Variants in KIAA1671 observed in about 807,000 individuals in gnomAD.
KIAA1671 encodes the protein KIAA1671.
In KIAA1671, 52 loss-of-function variants were observed where a neutral mutation model predicts 131.2. The observed-to-expected ratio is 0.40, with a 90% CI of 0.32 to 0.50. The LOEUF (loss-of-function observed/expected upper bound fraction) is 0.50, where lower values mean the gene tolerates loss of function less well. KIAA1671 is among the 20% of genes least tolerant of loss of function. KIAA1671 has a pLI of 0.73. For synonymous variants in KIAA1671, 1,003 were observed against 961.6 expected, an observed-to-expected ratio of 1.04 and a Z score of -0.80; for missense variants, 2,360 against 2,364.2, an observed-to-expected ratio of 1.00 and a Z score of 0.04.
In KIAA1671 at chr22:25,040,337, C is replaced by T. The variant is rs1445481015; in HGVS notation, c.3207C>T (p.Ser1069=). 1.3e-6 allele frequency: 2 copies of T among 1,551,732 alleles called. No homozygotes were observed. The highest frequency in any genetic ancestry group is 1.7e-4 in the Middle Eastern group (1 of 5,992). The change falls in exon 5 of 13, where the codon TCC becomes TCT. Residue 1069 remains serine, a synonymous_variant. Transcript: ENST00000358431. The part of the protein sequence containing the change: ...TPPSSPHSLT[S]TLVSLGHEEA... ...CCTCGTCTCCTCATTCTTTAACATC[C>T]ACTTTGGTTTCTCTTGGTCATGAAG...
chr22:25,075,996 G>T (rs1929089062), intron 6 of KIAA1671, among the ~76,000 whole-genome samples: 1 of 151,242 alleles, frequency 6.6e-6, no homozygotes, highest in Non-Finnish European at 1.5e-5. Flanking sequence ...GGCTCGTCTC[G>T]AACTCCTGAC....
intron 1 of KIAA1671, among the ~76,000 whole-genome samples, chr22:24,963,152 T>C (rs2123800747): frequency 6.6e-6 from 1 of 151,794 alleles, no homozygotes; most frequent in African/African-American, 2.4e-5. Flanking sequence ...TCACCTGAGG[T>C]CAGGAGTTCG....
intron 6 of KIAA1671, chr22:25,112,118 G>T (rs1601325526): frequency 7.5e-6 from 3 of 398,246 alleles, no homozygotes; most frequent in African/African-American, 4.1e-5. Flanking sequence ...GAGGACACTG[G>T]CGTTTTAATT....
chr22:24,953,359 G>C (rs1195114456), intron 1 of KIAA1671, among the ~76,000 whole-genome samples: 1 of 152,118 alleles, frequency 6.6e-6, no homozygotes, highest in Non-Finnish European at 1.5e-5. Context: ...GGAAGCAAGG[G>C]CGGCGAGCGA....
chr22:24,982,740 G>A (rs777614241), intron 1 of KIAA1671, among the ~76,000 whole-genome samples: 4 of 152,204 alleles, frequency 2.6e-5, no homozygotes, highest in Non-Finnish European at 4.4e-5. Flanking sequence ...TGCCAAGGTC[G>A]TGGTGTTGGC....
At position 25,039,548 on chromosome 22, in the gene KIAA1671, T is replaced by C. The variant is rs1926800146; in HGVS notation, c.2418T>C (p.Pro806=). 1.3e-6 allele frequency: 2 copies of C among 1,551,798 alleles called. No homozygotes were observed. The highest frequency in any genetic ancestry group is 1.7e-6 in the Non-Finnish European group (2 of 1,147,010). The change falls in exon 5 of 13, where the codon CCT becomes CCC. Residue 806 remains proline (P), a synonymous_variant. Coordinates refer to ENST00000358431, the MANE Select transcript of KIAA1671 (RefSeq NM_001145206.2). ...TGATTTGGGAAGCTCGAGGCATGCC[T>C]GAGGCTAGTGGACCGAAGTTTGGGG... ...ASLIWEARGM[P]EASGPKFGGN... is the part of the protein sequence containing the mutation.
intron 6 of KIAA1671, among the ~76,000 whole-genome samples, chr22:25,162,104 T>C (rs896008399): frequency 6.6e-6 from 1 of 152,194 alleles, no homozygotes; most frequent in African/African-American, 2.4e-5. Flanking sequence ...GTGAAATGGG[T>C]TCCTCATGGT....
Position 25,093,754 on chromosome 22 carries a change from CTCTCTCTCTCTCTG to C in KIAA1671, c.4530+44404_4530+44417del, listed in dbSNP as rs1568951074. On this transcript the variant is annotated intron_variant, in intron 6 of 12. Coordinates refer to ENST00000358431, the MANE Select transcript of KIAA1671 (RefSeq NM_001145206.2). ...ACACACACACTCTCTCTCTCTCTCT[CTCTCTCTCTCTCTG>C]TCTCTCTCTCTCTCTCTCTCTCTCT... Among the ~76,000 whole-genome samples, 40 of 100,668 alleles carry C rather than the reference CTCTCTCTCTCTCTG, an allele frequency of 4.0e-4. 1 individual carries two copies. The highest frequency in any genetic ancestry group is 1.1e-3 in the African/African-American group (26 of 23,580). The allele number at this position is 100,668 out of a possible 152,430, so 66.0% of individuals were successfully genotyped here.
intron 6 of KIAA1671, among the ~76,000 whole-genome samples, chr22:25,118,841 A>AC (rs1164277609): frequency 1.1e-4 from 16 of 151,462 alleles, no homozygotes; most frequent in African/African-American, 3.4e-4. Context: ...TTCGTCAGTC[A>AC]CCCCCTGCTC....
At chr22:24,960,871 C>T (rs1921984487) in intron 1 of KIAA1671, among the ~76,000 whole-genome samples, 1 of 152,024 alleles carries the variant, frequency 6.6e-6, no homozygotes, top group African/African-American at 2.4e-5. Flanking sequence ...CGAGAGACAG[C>T]CTCTTTGTAT....
intron 7 of KIAA1671, among the ~76,000 whole-genome samples, chr22:25,172,900 A>T (rs1347440917): frequency 2.0e-5 from 3 of 152,150 alleles, no homozygotes; most frequent in Non-Finnish European, 4.4e-5. Flanking sequence ...CAGTTTCCTC[A>T]CCTTTAACAA....
At chr22:25,180,312 G>A (rs1183418486) in intron 9 of KIAA1671, among the ~76,000 whole-genome samples, 1 of 152,212 alleles carries the variant, frequency 6.6e-6, no homozygotes, top group African/African-American at 2.4e-5. Context: ...AGGCCGAGGT[G>A]GGTGGATCAC....
At chr22:25,076,844 C>T (rs1161517623) in intron 6 of KIAA1671, among the ~76,000 whole-genome samples, 1 of 152,202 alleles carries the variant, frequency 6.6e-6, no homozygotes, top group Non-Finnish European at 1.5e-5. Flanking sequence ...TACTAAACGC[C>T]TTTCAGAGGG....
chr22:25,130,436 T>C (rs1932391464), intron 6 of KIAA1671, among the ~76,000 whole-genome samples: 1 of 152,226 alleles, frequency 6.6e-6, no homozygotes, highest in Non-Finnish European at 1.5e-5. Context: ...AACCTCTTCA[T>C]GCCAATTGTA....
At chr22:25,121,188 C>T (rs919928958) in intron 6 of KIAA1671, among the ~76,000 whole-genome samples, 7 of 152,084 alleles carry the variant, frequency 4.6e-5, no homozygotes, top group Admixed American at 3.9e-4. Flanking sequence ...GTTGGCCGGG[C>T]GCGGTGGCTC....
intron 1 of KIAA1671, among the ~76,000 whole-genome samples, chr22:24,999,211 A>G (rs1202604741): frequency 6.6e-6 from 1 of 152,158 alleles, no homozygotes; most frequent in African/African-American, 2.4e-5. Context: ...ACAGTATTTT[A>G]TAATCAATAT....
At chr22:25,016,831 C>T (rs1276348126) in intron 1 of KIAA1671, among the ~76,000 whole-genome samples, 1 of 152,122 alleles carries the variant, frequency 6.6e-6, no homozygotes, top group African/African-American at 2.4e-5. Context: ...TTCTTAGATT[C>T]ACCCAGGAAG....
At chr22:25,081,648 A>G (rs1227774282) in intron 6 of KIAA1671, among the ~76,000 whole-genome samples, 1 of 151,402 alleles carries the variant, frequency 6.6e-6, no homozygotes, top group Non-Finnish European at 1.5e-5. Flanking sequence ...GTGCAGAGCT[A>G]CACACTTTCA....
At chr22:24,985,501 G>A (rs1602045149) in intron 1 of KIAA1671, among the ~76,000 whole-genome samples, 1 of 152,012 alleles carries the variant, frequency 6.6e-6, no homozygotes, top group African/African-American at 2.4e-5. Context: ...CACCGCGCCC[G>A]GCTAATTTTT....
Sources: gnomAD v4.1 joint callset for allele counts (sites outside exome capture counted in the v4.1 genomes callset) on GRCh38, gnomAD v4.1.1 for gene constraint, MANE v1.5 for transcripts, NCBI Gene and HGNC (gene_info 2026-07-23, HGNC 2026-07-21) for gene names.